Variants in RIMKLB observed in about 807,000 individuals in gnomAD.
The protein encoded by RIMKLB is beta-citrylglutamate synthase B.
In RIMKLB, 7 loss-of-function variants were observed where a neutral mutation model predicts 32.0. The ratio of observed to expected loss-of-function variants is 0.22; its 90% CI spans 0.12 to 0.41. The LOEUF (loss-of-function observed/expected upper bound fraction) is 0.41. Ranked by LOEUF, RIMKLB falls within the 10% of genes least tolerant of loss-of-function variation. RIMKLB has a pLI of 1.00. For missense variants in RIMKLB, 289 were observed against 498.7 expected, an observed-to-expected ratio of 0.58 and a Z score of 4.00; for synonymous variants, 172 against 185.1, an observed-to-expected ratio of 0.93 and a Z score of 0.57.
At chr12:8,762,449 C>T (rs1324017678) in intron 5 of RIMKLB, among the ~76,000 whole-genome samples, 1 of 152,096 alleles carries the variant, frequency 6.6e-6, no homozygotes, top group Non-Finnish European at 1.5e-5. Flanking sequence ...CTTTTGGCTT[C>T]AGTGTCGTCT....
intron 5 of RIMKLB, among the ~76,000 whole-genome samples, chr12:8,756,618 A>T (rs1949050551): frequency 6.6e-6 from 1 of 152,130 alleles, no homozygotes; most frequent in African/African-American, 2.4e-5. Context: ...CTTATTCAGA[A>T]TACATGATAG....
the RIMKLB span, among the ~76,000 whole-genome samples, chr12:8,676,382 C>CTTTTTTTTT: frequency 2.4e-4 from 9 of 37,310 alleles, no homozygotes; most frequent in Non-Finnish European, 3.3e-4. Flanking sequence ...CCCCCAACAG[C>CTTTTTTTTT]TTTTTTTTTT....
At chr12:8,671,727 A>G in the RIMKLB span, among the ~76,000 whole-genome samples, 1,247 of 152,214 alleles carry the variant, frequency 8.2e-3, 19 homozygotes, top group African/African-American at 0.028. Flanking sequence ...CCTGGCCAAG[A>G]TGGTGAAACT....
rs1446195881 is a variant in RIMKLB, at chr12:8,688,329, C to T, written n.219+6511C>T. 4.0e-5 allele frequency among the ~76,000 whole-genome samples: 6 copies of T among 151,870 alleles called. No homozygotes were observed. In the East Asian group the frequency reaches 9.7e-4, roughly 25 times the overall value. ...TCTGGCAGATTAAGCCAAGACACAA[C>T]AAAGTCAGAATTTAGAAGAAAATAT... On this transcript the variant is annotated intron_variant and non_coding_transcript_variant, in intron 1 of 1. Coordinates refer to the RIMKLB transcript ENST00000538758.
At chr12:8,707,239 C>T (rs1222777735) in intron 1 of RIMKLB, among the ~76,000 whole-genome samples, 1 of 152,166 alleles carries the variant, frequency 6.6e-6, no homozygotes, top group Non-Finnish European at 1.5e-5. Context: ...CGTACCATGC[C>T]CCCCACCAGT....
At chr12:8,722,068 G>A (rs867854430) in intron 2 of RIMKLB, among the ~76,000 whole-genome samples, 1 of 152,098 alleles carries the variant, frequency 6.6e-6, no homozygotes, top group African/African-American at 2.4e-5. Context: ...ATGGCATCTA[G>A]AATGATGAAT....
At chr12:8,703,497 T>A (rs1943588629) in intron 1 of RIMKLB, among the ~76,000 whole-genome samples, 1 of 152,096 alleles carries the variant, frequency 6.6e-6, no homozygotes, top group African/African-American at 2.4e-5. Flanking sequence ...CCGGCTAATT[T>A]TTTTTTCTTT....
At chr12:8,673,730 G>C in the RIMKLB span, among the ~76,000 whole-genome samples, 3 of 151,922 alleles carry the variant, frequency 2.0e-5, no homozygotes, top group Non-Finnish European at 4.4e-5. Context: ...CCAGTAGCTG[G>C]GACTACAGGT....
intron 2 of RIMKLB, among the ~76,000 whole-genome samples, chr12:8,723,899 C>G (rs1019747400): frequency 6.9e-6 from 1 of 144,960 alleles, no homozygotes; most frequent in African/African-American, 2.6e-5. Context: ...ACTGCAACCT[C>G]TTGCCTCCTG....
At chr12:8,707,439 C>G (rs957238055) in intron 1 of RIMKLB, among the ~76,000 whole-genome samples, 3 of 152,216 alleles carry the variant, frequency 2.0e-5, no homozygotes, top group Non-Finnish European at 4.4e-5. Flanking sequence ...CACGGAGCTT[C>G]TTTGCCCTTC....
Position 8,775,251 on chromosome 12 carries a change from T to TA in RIMKLB, c.*1468dup. The stretch of plus-strand genomic sequence containing the variant: ...GGTTGGATGTTTTTGTTTGGGGACT[T>TA]ATTTAGTAGTATTGAGTCTCTTATA... On this transcript the variant is annotated 3_prime_UTR_variant, in exon 6 of 6. Transcript: ENST00000535829. 1 of 985,612 alleles carries TA rather than the reference T, an allele frequency of 1.0e-6. No individual in the cohort carries two copies. The highest frequency in any genetic ancestry group is 1.2e-6 in the Non-Finnish European group (1 of 829,810). The allele number at this position is 985,612 out of a possible 1,614,324, so 61.1% of individuals were successfully genotyped here.
intron 1 of RIMKLB, among the ~76,000 whole-genome samples, chr12:8,690,256 T>C (rs1323638589): frequency 1.3e-5 from 2 of 152,242 alleles, no homozygotes; most frequent in Admixed American, 6.5e-5. Context: ...CATACATATT[T>C]GAAGAATCAT....
At chr12:8,781,642 A>G (rs1472318460), downstream of RIMKLB, among the ~76,000 whole-genome samples, 1 of 152,004 alleles carries the variant, frequency 6.6e-6, no homozygotes, top group Non-Finnish European at 1.5e-5. Flanking sequence ...TTTTTCTCAC[A>G]TTCAGTCCTG....
At chr12:8,718,653 CTATATATATATA>C (rs369394381) in intron 2 of RIMKLB, among the ~76,000 whole-genome samples, 34 of 138,354 alleles carry the variant, frequency 2.5e-4, no homozygotes, top group African/African-American at 9.3e-4. Flanking sequence ...CTCTCTCTCT[CTATATATATATA>C]TATATGTGTG....
At chr12:8,740,897 AC>A (rs1313964049) in intron 2 of RIMKLB, among the ~76,000 whole-genome samples, 8 of 151,972 alleles carry the variant, frequency 5.3e-5, no homozygotes, top group African/African-American at 1.9e-4. Flanking sequence ...ACATGGTGAA[AC>A]CCCATCCCCT....
rs756353966 is a variant in RIMKLB, at chr12:8,743,963, T to A, written c.176-5899T>A. 3.3e-5 allele frequency among the ~76,000 whole-genome samples: 5 copies of A among 152,034 alleles called. No individual in the cohort carries two copies. The South Asian group carries it at 1.0e-3, about 31-fold the overall frequency. On this transcript the variant is annotated intron_variant, in intron 2 of 5. Coordinates refer to ENST00000535829, the MANE Select transcript of RIMKLB (RefSeq NM_001297776.2). ...AAAAGACAATATGTGTTAGAGGAAA[T>A]GGGGTTGAAAACAAAGCACATTCAG...
intron 4 of RIMKLB, among the ~76,000 whole-genome samples, chr12:8,753,181 G>GA (rs2137800006): frequency 6.6e-6 from 1 of 152,336 alleles, no homozygotes; most frequent in African/African-American, 2.4e-5. Context: ...TTCTCCAGTA[G>GA]AGCAGCCAAG....
upstream of RIMKLB, among the ~76,000 whole-genome samples, chr12:8,677,382 T>G (rs1408432334): frequency 6.6e-6 from 1 of 152,124 alleles, no homozygotes; most frequent in Non-Finnish European, 1.5e-5. Flanking sequence ...CACCACACCC[T>G]TTATCACACA....
chr12:8,708,649 A>G (rs1215834615), intron 1 of RIMKLB, among the ~76,000 whole-genome samples: 8 of 152,236 alleles, frequency 5.3e-5, no homozygotes, highest in Non-Finnish European at 2.9e-5. Flanking sequence ...TAATAAGGGA[A>G]CTAAAAGTTG....
Sources: allele counts gnomAD v4.1 joint callset (sites outside exome capture counted in the v4.1 genomes callset), GRCh38; gene constraint gnomAD v4.1.1; transcripts MANE v1.5; gene names NCBI Gene and HGNC (gene_info 2026-07-23, HGNC 2026-07-21).